SPATS2: variants seen among roughly 807,000 people sequenced by gnomAD.
SPATS2 encodes the protein spermatogenesis-associated serine-rich protein 2.
Under a neutral mutation model 63.7 loss-of-function variants are expected in SPATS2, and 38 were observed. The observed-to-expected ratio is 0.60, with a 90% CI of 0.46 to 0.78. The LOEUF is 0.78. Among genes scored for constraint, SPATS2 ranks in the 30% least tolerant of loss-of-function variants. SPATS2 has a pLI of 0.00. For missense variants in SPATS2, 588 were observed against 666.2 expected (o/e 0.88, Z 1.29); for synonymous variants, 207 against 232.9 (o/e 0.89, Z 1.01).
chr12:49,417,611 T>G (rs925249737), intron 2 of SPATS2, among the ~76,000 whole-genome samples: 14 of 152,356 alleles, frequency 9.2e-5, no homozygotes, highest in African/African-American at 2.9e-4. Context: ...TTGTGTTGTT[T>G]CCATTTTGTT....
chr12:49,418,753 T>C (rs1944933094), intron 2 of SPATS2, among the ~76,000 whole-genome samples: 1 of 152,194 alleles, frequency 6.6e-6, no homozygotes, highest in Non-Finnish European at 1.5e-5. Context: ...CTAAATTACT[T>C]CTACTTGGTA....
At chr12:49,495,335 A>G (rs1027010482) in intron 7 of SPATS2, among the ~76,000 whole-genome samples, 1 of 151,922 alleles carries the variant, frequency 6.6e-6, no homozygotes, top group Non-Finnish European at 1.5e-5. Context: ...CTGGTACTAC[A>G]GGCACCCGCC....
chr12:49,472,081 T>C (rs1946043138), intron 3 of SPATS2, among the ~76,000 whole-genome samples: 3 of 152,100 alleles, frequency 2.0e-5, no homozygotes, highest in South Asian at 4.1e-4. Context: ...GAGTCTATAG[T>C]GAGCCAAGGT....
At chr12:49,415,144 C>A (rs1428767475) in intron 2 of SPATS2, among the ~76,000 whole-genome samples, 2 of 151,812 alleles carry the variant, frequency 1.3e-5, no homozygotes, top group Non-Finnish European at 2.9e-5. Flanking sequence ...ATTGGGCAGG[C>A]TGGTCTCGAA....
intron 2 of SPATS2, among the ~76,000 whole-genome samples, chr12:49,416,683 C>T (rs1295613616): frequency 6.6e-6 from 1 of 152,006 alleles, no homozygotes; most frequent in Non-Finnish European, 1.5e-5. Flanking sequence ...TGGGGTTTCA[C>T]CATGTTGGCC....
intron 3 of SPATS2, among the ~76,000 whole-genome samples, chr12:49,479,719 G>A (rs1323589244): frequency 6.6e-6 from 1 of 152,160 alleles, no homozygotes; most frequent in Non-Finnish European, 1.5e-5. Flanking sequence ...GCTGCAGCCA[G>A]TATGATGTGA....
chr12:49,494,778 A>G lies in SPATS2; in HGVS notation c.302A>G (p.Glu101Gly), dbSNP rs750825306. ...KKKNKPKPAA[E>G]PSNGIPDSSK... ...AAAAACAAACCGAAACCTGCCGCAG[A>G]ACCAAGTAACGGCATCCCAGATTCC... Residue 101 changes from glutamate to glycine, a missense_variant, in exon 7 of 14, where the codon GAA becomes GGA. Transcript: ENST00000552918. 3 of 1,606,896 alleles carry G rather than the reference A, an allele frequency of 1.9e-6. No homozygotes were observed. The highest frequency in any genetic ancestry group is 2.5e-6 in the Non-Finnish European group (3 of 1,176,680).
intron 11 of SPATS2, 109 bp downstream of exon 11, chr12:49,519,291 T>C: frequency 1.2e-6 from 1 of 826,026 alleles, no homozygotes; most frequent in South Asian, 2.1e-5. Context: ...GATCTTCCTT[T>C]CCCAAACCTG....
chr12:49,450,382 C>G (rs1162419714), intron 2 of SPATS2, among the ~76,000 whole-genome samples: 1 of 151,620 alleles, frequency 6.6e-6, no homozygotes, highest in Non-Finnish European at 1.5e-5. Flanking sequence ...CAGCTGGGAC[C>G]ACAGGCGCCC....
chr12:49,402,127 C>T (rs1481944858), intron 2 of SPATS2, among the ~76,000 whole-genome samples: 1 of 152,178 alleles, frequency 6.6e-6, no homozygotes, highest in Non-Finnish European at 1.5e-5. Context: ...TAGGCATGCA[C>T]CACCATGCCC....
rs1045254362 is a variant in SPATS2, at chr12:49,370,780, C to G, written c.-306-448C>G. ...GTATTGGCTAGTTTGTTTACTCCCC[C>G]CCAACCTCCTCCCACCTGCCCAGAA... On this transcript the variant is annotated intron_variant, in intron 1 of 13. Transcript: ENST00000552918. Among the ~76,000 whole-genome samples the G allele has an allele frequency of 1.2e-4, 18 of 152,290 alleles. No individual in the cohort carries two copies. The East Asian group carries it at 3.3e-3, about 28-fold the overall frequency.
chr12:49,510,645 T>C (rs996333122), intron 9 of SPATS2, among the ~76,000 whole-genome samples: 1 of 152,162 alleles, frequency 6.6e-6, no homozygotes, highest in Non-Finnish European at 1.5e-5. Flanking sequence ...TTGAATGGTT[T>C]TGACTATTAT....
chr12:49,465,639 C>T (rs1245207972), intron 3 of SPATS2, among the ~76,000 whole-genome samples: 1 of 152,114 alleles, frequency 6.6e-6, no homozygotes, highest in African/African-American at 2.4e-5. Flanking sequence ...CATTCCATGG[C>T]TTGTCTTCTA....
chr12:49,414,725 C>T (rs1044327348), intron 2 of SPATS2, among the ~76,000 whole-genome samples: 8 of 151,914 alleles, frequency 5.3e-5, no homozygotes, highest in Non-Finnish European at 1.2e-4. Context: ...ACCTCAGCCT[C>T]CTGAGTAGCC....
intron 2 of SPATS2, among the ~76,000 whole-genome samples, chr12:49,427,232 AAT>A (rs1158875445): frequency 6.6e-6 from 1 of 152,208 alleles, no homozygotes; most frequent in Non-Finnish European, 1.5e-5. Context: ...ATAGTTATCA[AAT>A]ATATATGTGT....
chr12:49,426,685 A>G (rs1945082476), intron 2 of SPATS2, among the ~76,000 whole-genome samples: 1 of 152,124 alleles, frequency 6.6e-6, no homozygotes, highest in Non-Finnish European at 1.5e-5. Context: ...CTGGGACTAC[A>G]GGCGCCCGCC....
chr12:49,521,165 C>T (rs975310402), intron 11 of SPATS2, among the ~76,000 whole-genome samples: 1 of 152,246 alleles, frequency 6.6e-6, no homozygotes, highest in African/African-American at 2.4e-5. Flanking sequence ...GCCTTCTCCA[C>T]ACCTGTGCCC....
intron 3 of SPATS2, among the ~76,000 whole-genome samples, chr12:49,480,396 T>C (rs1946185755): frequency 6.6e-6 from 1 of 152,242 alleles, no homozygotes; most frequent in Non-Finnish European, 1.5e-5. Context: ...AATAATGTTA[T>C]TGTGGAGGTC....
intron 3 of SPATS2, among the ~76,000 whole-genome samples, chr12:49,468,397 C>CT (rs1234159547): frequency 6.6e-6 from 1 of 151,890 alleles, no homozygotes; most frequent in Non-Finnish European, 1.5e-5. Flanking sequence ...TGACCTCAGG[C>CT]TATCTGCCTG....
Sources: allele counts gnomAD v4.1 joint callset (sites outside exome capture counted in the v4.1 genomes callset), GRCh38; gene constraint gnomAD v4.1.1; transcripts MANE v1.5; gene names NCBI Gene and HGNC (gene_info 2026-07-23, HGNC 2026-07-21).